MGLL: variants seen among roughly 807,000 people sequenced by gnomAD.
The protein encoded by MGLL is lysophospholipase homolog.
Under a neutral mutation model 29.1 loss-of-function variants are expected in MGLL, and 7 were observed. The observed-to-expected ratio is 0.24, with a 90% CI of 0.14 to 0.45. MGLL has a LOEUF of 0.45. Among genes scored for constraint, MGLL ranks in the 20% least tolerant of loss-of-function variants. MGLL has a pLI of 0.99. For synonymous variants in MGLL, 148 were observed against 168.3 expected (o/e 0.88, Z 0.93); for missense variants, 356 against 413.6 (o/e 0.86, Z 1.21).
intron 5 of MGLL, among the ~76,000 whole-genome samples, chr3:127,717,511 T>C (rs1235816849): frequency 6.6e-6 from 1 of 152,094 alleles, no homozygotes; most frequent in Non-Finnish European, 1.5e-5. Context: ...AGGCACCGAG[T>C]GCTGGGCTCC....
chr3:127,743,932 T>C (rs759095267), intron 3 of MGLL, among the ~76,000 whole-genome samples: 4 of 152,176 alleles, frequency 2.6e-5, no homozygotes, highest in African/African-American at 9.7e-5. Flanking sequence ...CGACTACCAC[T>C]GCACTGAGTT....
At chr3:127,766,583 A>T (rs2076859834) in intron 3 of MGLL, among the ~76,000 whole-genome samples, 1 of 152,062 alleles carries the variant, frequency 6.6e-6, no homozygotes, top group African/African-American at 2.4e-5. Flanking sequence ...CACTCTTATA[A>T]AGGGTGCTGT....
chr3:127,723,730 G>A (rs763402878), intron 3 of MGLL, among the ~76,000 whole-genome samples: 1 of 152,154 alleles, frequency 6.6e-6, no homozygotes. Context: ...ATTTTTAAAT[G>A]TAAGGTTCAG....
At chr3:127,820,656 C>A (rs937264894) in intron 2 of MGLL, among the ~76,000 whole-genome samples, 2 of 152,168 alleles carry the variant, frequency 1.3e-5, no homozygotes, top group African/African-American at 4.8e-5. Context: ...ACAACCCCCC[C>A]ACTTCCTCTA....
intron 3 of MGLL, among the ~76,000 whole-genome samples, chr3:127,776,353 T>C (rs67775276): frequency 0.087 from 12,537 of 144,842 alleles, 718 homozygotes; most frequent in South Asian, 0.15. Flanking sequence ...CAAAGACCAA[T>C]AAATCAGGAT....
intron 3 of MGLL, among the ~76,000 whole-genome samples, chr3:127,775,297 A>C (rs1477901807): frequency 6.6e-6 from 1 of 152,196 alleles, no homozygotes; most frequent in Non-Finnish European, 1.5e-5. Context: ...ATATTTACTA[A>C]GGCAAGAAAA....
Position 127,696,396 on chromosome 3 carries a change from C to CTTTTTTTTTTT in MGLL, c.601-1217_601-1207dup, listed in dbSNP as rs545853423. On this transcript the variant is annotated intron_variant, in intron 6 of 7. Coordinates refer to ENST00000265052, the MANE Select transcript of MGLL (RefSeq NM_007283.7). Reference sequence around the variant, plus strand: ...GGGCAGGAGTGAGCCCCTGATGCTTCTTTTTTTTTTTTTTTTTTTTTTTTT... The same window carrying CTTTTTTTTTTT: ...GGGCAGGAGTGAGCCCCTGATGCTTCTTTTTTTTTTTTTTTTTTTTTTTTTTTTTTTTTTTT... 1.5e-3 allele frequency among the ~76,000 whole-genome samples: 72 copies of CTTTTTTTTTTT among 49,378 alleles called. 17 individuals are homozygous for CTTTTTTTTTTT. Among genetic ancestry groups the CTTTTTTTTTTT allele is most frequent in the Non-Finnish European group, 2.3e-3 (58 of 25,230 alleles). 32.4% of individuals were successfully genotyped at this position (49,378 alleles called of 152,430 possible).
chr3:127,736,032 T>C (rs1032595577), intron 3 of MGLL: 1 of 1,380,906 alleles, frequency 7.2e-7, no homozygotes, highest in Non-Finnish European at 9.3e-7. Flanking sequence ...ACCTTTTTAT[T>C]TTCCCTTGAA....
At chr3:127,807,246 T>C (rs1209125612) in intron 2 of MGLL, among the ~76,000 whole-genome samples, 1 of 152,188 alleles carries the variant, frequency 6.6e-6, no homozygotes, top group African/African-American at 2.4e-5. Flanking sequence ...TGTTATCAAA[T>C]TTATTAGCAC....
At chr3:127,720,928 C>T in intron 5 of MGLL, 125 bp downstream of exon 5, 1 of 823,944 alleles carries the variant, frequency 1.2e-6, no homozygotes, top group Middle Eastern at 2.2e-4. Context: ...TGTCCAACCC[C>T]TCACGCAATA....
At chr3:127,814,218 T>A (rs913021228) in intron 2 of MGLL, among the ~76,000 whole-genome samples, 1 of 152,046 alleles carries the variant, frequency 6.6e-6, no homozygotes, top group African/African-American at 2.4e-5. Flanking sequence ...GACACAAAGG[T>A]CAACTTGGGG....
chr3:127,703,612 G>A (rs2075541974), intron 6 of MGLL, among the ~76,000 whole-genome samples: 1 of 152,104 alleles, frequency 6.6e-6, no homozygotes, highest in African/African-American at 2.4e-5. Flanking sequence ...CCAAAACAAG[G>A]TATCCACTTC....
intron 5 of MGLL, among the ~76,000 whole-genome samples, chr3:127,720,342 T>G (rs1257988882): frequency 6.6e-6 from 1 of 152,160 alleles, no homozygotes; most frequent in Non-Finnish European, 1.5e-5. Flanking sequence ...GTATCTACCT[T>G]AAGCCTGATG....
intron 3 of MGLL, among the ~76,000 whole-genome samples, chr3:127,749,300 T>C (rs893870247): frequency 3.3e-5 from 5 of 152,190 alleles, no homozygotes; most frequent in Non-Finnish European, 7.3e-5. Context: ...CCCATTACTC[T>C]GAAATAAAGA....
chr3:127,818,379 T>C (rs2077797300), intron 2 of MGLL, among the ~76,000 whole-genome samples: 1 of 137,736 alleles, frequency 7.3e-6, no homozygotes, highest in Non-Finnish European at 1.5e-5. Context: ...ATCTCTAATC[T>C]TTTTTTTTTT....
intron 3 of MGLL, among the ~76,000 whole-genome samples, chr3:127,724,138 C>T (rs1444211811): frequency 6.6e-6 from 1 of 152,156 alleles, no homozygotes; most frequent in Non-Finnish European, 1.5e-5. Flanking sequence ...TGTCGAGGCC[C>T]CAGTCTGTGG....
chr3:127,749,784 G>A (rs1468185253), intron 3 of MGLL, among the ~76,000 whole-genome samples: 1 of 152,210 alleles, frequency 6.6e-6, no homozygotes, highest in Non-Finnish European at 1.5e-5. Flanking sequence ...TGTGGTGCGT[G>A]TGTATGTGTG....
chr3:127,742,745 G>A lies in MGLL; in HGVS notation c.263-20179C>T, dbSNP rs114898662. On this transcript the variant is annotated intron_variant, in intron 3 of 7. Coordinates refer to ENST00000265052, the MANE Select transcript of MGLL (RefSeq NM_007283.7). ...AGAGAGAGCCGTATCACTACTACACGTGACCCAAACAGTGGATCAGAACAT... is the reference window on the plus strand; with the variant it reads ...AGAGAGAGCCGTATCACTACTACACATGACCCAAACAGTGGATCAGAACAT... 5.7e-3 allele frequency among the ~76,000 whole-genome samples: 874 copies of A among 152,148 alleles called. 5 individuals are homozygous for A. Among genetic ancestry groups the A allele is most frequent in the Non-Finnish European group, 0.011 (736 of 68,024 alleles).
At chr3:127,812,820 T>C (rs1263505662) in intron 2 of MGLL, among the ~76,000 whole-genome samples, 3 of 152,164 alleles carry the variant, frequency 2.0e-5, no homozygotes, top group African/African-American at 7.2e-5. Context: ...GCTGCAGTGA[T>C]GGGTCAGTAG....
Sources: gnomAD v4.1 joint callset for allele counts (sites outside exome capture counted in the v4.1 genomes callset) on GRCh38, gnomAD v4.1.1 for gene constraint, MANE v1.5 for transcripts, NCBI Gene and HGNC (gene_info 2026-07-23, HGNC 2026-07-21) for gene names.